TIAM1: variants seen among roughly 807,000 people sequenced by gnomAD.
The protein encoded by TIAM1 is rho guanine nucleotide exchange factor TIAM1.
TIAM1 carries 65 observed loss-of-function variants against 163.5 expected under a neutral mutation model. The observed-to-expected ratio is 0.40, with a 90% CI of 0.33 to 0.49. TIAM1 has a LOEUF of 0.49. Among genes scored for constraint, TIAM1 ranks in the 20% least tolerant of loss-of-function variants. The probability of loss-of-function intolerance (pLI) is 0.77; values close to 1 mark genes in which losing one functional copy is unlikely to be tolerated. For missense variants in TIAM1, 1,789 were observed against 2,044.7 expected (o/e 0.87, Z 2.41); for synonymous variants, 833 against 810.1 (o/e 1.03, Z -0.48).
Position 31,430,225 on chromosome 21 carries a change from A to ATAT in TIAM1, c.-369+33757_-369+33758insATA, listed in dbSNP as rs1177898443. 1.7e-3 allele frequency among the ~76,000 whole-genome samples: 153 copies of ATAT among 90,170 alleles called. 1 individual carries two copies. Among genetic ancestry groups the ATAT allele is most frequent in the East Asian group, 0.01 (33 of 3,220 alleles). The allele number at this position is 90,170 out of a possible 152,430, so 59.2% of individuals were successfully genotyped here. ...CCATCTCAAAGAAAAAAAAAAAAAA[A>ATAT]ATATATATATATATATATATATACA... is the stretch of plus-strand genomic sequence containing the variant. On this transcript the variant is annotated intron_variant, in intron 2 of 28. Transcript: ENST00000286827.
At chr21:31,403,992 T>C (rs924496108) in intron 2 of TIAM1, among the ~76,000 whole-genome samples, 1 of 152,122 alleles carries the variant, frequency 6.6e-6, no homozygotes, top group African/African-American at 2.4e-5. Flanking sequence ...AGGCGACACT[T>C]AGCCGCAACT....
intron 6 of TIAM1, among the ~76,000 whole-genome samples, chr21:31,226,646 G>C (rs1269932529): frequency 6.6e-6 from 1 of 152,148 alleles, no homozygotes; most frequent in African/African-American, 2.4e-5. Flanking sequence ...GCAAAAGTCA[G>C]AATAGTTTTC....
At chr21:31,153,191 G>T (rs540937147) in intron 17 of TIAM1, 57 bp from the exon 18 acceptor site, 3 of 1,389,280 alleles carry the variant, frequency 2.2e-6, no homozygotes, top group East Asian at 2.3e-5. Flanking sequence ...ATATACCCTA[G>T]AACTTAAAGT....
intron 1 of TIAM1, among the ~76,000 whole-genome samples, chr21:31,488,816 G>T (rs928337767): frequency 5.3e-5 from 8 of 151,994 alleles, no homozygotes; most frequent in African/African-American, 1.9e-4. Context: ...AATCTTATCC[G>T]GAAGGGAGAG....
At chr21:31,309,275 T>C (rs755439425) in intron 2 of TIAM1, among the ~76,000 whole-genome samples, 15 of 152,034 alleles carry the variant, frequency 9.9e-5, no homozygotes. Context: ...GTGGCCAACA[T>C]GGTAAAACCC....
chr21:31,515,596 T>C (rs1285321693), intron 1 of TIAM1, among the ~76,000 whole-genome samples: 2 of 152,084 alleles, frequency 1.3e-5, no homozygotes, highest in African/African-American at 2.4e-5. Context: ...AATAACCTCT[T>C]CTAAAACTTG....
chr21:31,321,630 C>T (rs945427358), intron 2 of TIAM1, among the ~76,000 whole-genome samples: 4 of 151,620 alleles, frequency 2.6e-5, no homozygotes, highest in East Asian at 2.0e-4. Flanking sequence ...GGATTACAGG[C>T]GTGAGCCACC....
chr21:31,540,417 T>C (rs957013972), intron 1 of TIAM1, among the ~76,000 whole-genome samples: 6 of 148,386 alleles, frequency 4.0e-5, no homozygotes, highest in Non-Finnish European at 4.4e-5. Context: ...GCGAGTACAA[T>C]GGTTATAGTC....
intron 1 of TIAM1, among the ~76,000 whole-genome samples, chr21:31,508,764 A>T (rs768312137): frequency 6.6e-6 from 1 of 152,092 alleles, no homozygotes; most frequent in Non-Finnish European, 1.5e-5. Context: ...CTGTAGGGTG[A>T]GTGTGCCCTT....
rs138182936 is a variant in TIAM1 at position 31,119,848 on chromosome 21, A to G, written c.*520T>C. 8.6e-5 allele frequency: 13 copies of G among 151,876 alleles called. No homozygotes were observed. Among genetic ancestry groups the G allele is most frequent in the African/African-American group, 3.1e-4 (13 of 41,442 alleles). 9.4% of individuals were successfully genotyped at this position (151,876 alleles called of 1,614,324 possible). A position where few individuals can be genotyped will look rare whatever the true frequency, so the allele number is the denominator to read the frequency against. The stretch of plus-strand genomic sequence containing the variant: ...GAGGCTCATTGAAACATGAATCGCC[A>G]CCCTCTCCTCACACATTCTTAAAAT... On this transcript the variant is annotated 3_prime_UTR_variant, in exon 28 of 28. Coordinates refer to ENST00000541036, the MANE Select transcript of TIAM1 (RefSeq NM_001353694.2).
chr21:31,302,709 A>G (rs1468967844), intron 2 of TIAM1, among the ~76,000 whole-genome samples: 1 of 152,238 alleles, frequency 6.6e-6, no homozygotes, highest in East Asian at 1.9e-4. Flanking sequence ...CACTGCTTGC[A>G]CTGCTTTCTG....
chr21:31,440,728 A>G (rs2044388224), intron 2 of TIAM1, among the ~76,000 whole-genome samples: 1 of 152,192 alleles, frequency 6.6e-6, no homozygotes, highest in African/African-American at 2.4e-5. Context: ...TAAAAATACA[A>G]AAATTAGCTG....
intron 2 of TIAM1, among the ~76,000 whole-genome samples, chr21:31,295,462 T>G (rs1292204576): frequency 3.5e-5 from 3 of 84,946 alleles, no homozygotes; most frequent in Non-Finnish European, 6.0e-5. Context: ...AGAGTGAGAC[T>G]CCATCACAAA....
intron 7 of TIAM1, 72 bp downstream of exon 7, chr21:31,225,654 A>G: frequency 4.1e-6 from 5 of 1,213,654 alleles, no homozygotes; most frequent in Non-Finnish European, 5.8e-6. Context: ...ATTCCAAAAC[A>G]GCAAAAAAAA....
chr21:31,356,968 GAATA>G (rs2076326500), intron 2 of TIAM1, among the ~76,000 whole-genome samples: 1 of 152,066 alleles, frequency 6.6e-6, no homozygotes, highest in South Asian at 2.1e-4. Context: ...ATAAATGAAT[GAATA>G]AACATTTTTA....
intron 2 of TIAM1, among the ~76,000 whole-genome samples, chr21:31,378,249 A>C (rs938000068): frequency 6.6e-6 from 1 of 152,104 alleles, no homozygotes; most frequent in African/African-American, 2.4e-5. Context: ...TGGGGGCCTC[A>C]CCATCCAGCA....
intron 1 of TIAM1, among the ~76,000 whole-genome samples, chr21:31,496,148 A>C (rs1422751127): frequency 6.6e-6 from 1 of 152,168 alleles, no homozygotes; most frequent in Non-Finnish European, 1.5e-5. Context: ...AAAAAATAAA[A>C]TAAAATGTTT....
At chr21:31,399,973 C>T (rs1000713584) in intron 2 of TIAM1, among the ~76,000 whole-genome samples, 5 of 151,990 alleles carry the variant, frequency 3.3e-5, no homozygotes, top group Non-Finnish European at 7.4e-5. Context: ...CACACACATA[C>T]ACTCACTCAC....
chr21:31,369,235 G>GAA (rs1555958172), intron 2 of TIAM1, among the ~76,000 whole-genome samples: 1 of 139,426 alleles, frequency 7.2e-6, no homozygotes, highest in Non-Finnish European at 1.5e-5. Flanking sequence ...CAAAAAAAAA[G>GAA]AAAGAAAGAA....
Sources: gnomAD v4.1 joint callset for allele counts (sites outside exome capture counted in the v4.1 genomes callset) on GRCh38, gnomAD v4.1.1 for gene constraint, MANE v1.5 for transcripts, NCBI Gene and HGNC (gene_info 2026-07-23, HGNC 2026-07-21) for gene names.